Variants in HIP1 observed in about 807,000 individuals in gnomAD.
HIP1 encodes huntingtin interacting protein 1.
A neutral mutation model predicts 147.6 loss-of-function variants in HIP1; 65 were observed. That is an observed-to-expected ratio of 0.44 (90% CI 0.36 to 0.54). HIP1 has a LOEUF of 0.54. Ranked by LOEUF, HIP1 falls within the 20% of genes least tolerant of loss-of-function variation. The probability of loss-of-function intolerance (pLI) is 0.00; values close to 1 mark genes in which losing one functional copy is unlikely to be tolerated. For missense variants in HIP1, 1,061 were observed against 1,299.6 expected (o/e 0.82, Z 2.82); for synonymous variants, 479 against 504.0 (o/e 0.95, Z 0.67).
intron 1 of HIP1, among the ~76,000 whole-genome samples, chr7:75,736,945 T>TA (rs1417908045): frequency 1.3e-5 from 2 of 151,990 alleles, no homozygotes; most frequent in Admixed American, 1.3e-4. Context: ...TTTGTAGAGA[T>TA]AGAGTCTCAC....
chr7:75,655,586 A>G (rs907411944), intron 1 of HIP1, among the ~76,000 whole-genome samples: 13 of 150,834 alleles, frequency 8.6e-5, no homozygotes, highest in African/African-American at 3.2e-4. Context: ...GTCTCAAAAA[A>G]AAAAGAAAAG....
chr7:75,719,021 C>T (rs1554520855), intron 1 of HIP1, among the ~76,000 whole-genome samples: 1 of 152,002 alleles, frequency 6.6e-6, no homozygotes, highest in African/African-American at 2.4e-5. Flanking sequence ...ACCCTAGCCC[C>T]CAACACTTAG....
chr7:75,584,666 T>A (rs1157209427), intron 5 of HIP1, among the ~76,000 whole-genome samples: 1 of 151,980 alleles, frequency 6.6e-6, no homozygotes, highest in Non-Finnish European at 1.5e-5. Flanking sequence ...TGTCTTCCTA[T>A]ATACAAGGCA....
rs186382354 is a variant in HIP1, at chr7:75,557,524, A to G, written c.1581+130T>C. 5.7e-4 allele frequency: 414 copies of G among 730,528 alleles called. 2 individuals are homozygous for G. The East Asian group carries it at 8.5e-3, about 15-fold the overall frequency. The allele number at this position is 730,528 out of a possible 1,614,324, so 45.3% of individuals were successfully genotyped here. On this transcript the variant is annotated intron_variant, in intron 16 of 30. Coordinates refer to ENST00000336926, the MANE Select transcript of HIP1 (RefSeq NM_005338.7). ...TGTTTTGCTGTTCTGTGTGGCCACC[A>G]TGGTGTGCTCCCTGCTGTGTGATGC...
chr7:75,658,642 G>A (rs1799213990), intron 1 of HIP1, among the ~76,000 whole-genome samples: 1 of 151,952 alleles, frequency 6.6e-6, no homozygotes, highest in African/African-American at 2.4e-5. Flanking sequence ...GAGGCCAGGC[G>A]CCGTGGCTCA....
intron 1 of HIP1, among the ~76,000 whole-genome samples, chr7:75,725,373 G>C (rs1035463797): frequency 7.9e-5 from 12 of 151,942 alleles, no homozygotes; most frequent in Non-Finnish European, 1.6e-4. Context: ...GAAATATAAA[G>C]AACACTGCAC....
chr7:75,671,515 C>T (rs1462091399), intron 1 of HIP1, among the ~76,000 whole-genome samples: 2 of 152,124 alleles, frequency 1.3e-5, no homozygotes, highest in Non-Finnish European at 2.9e-5. Context: ...AATAATGCTG[C>T]TATGAACGTG....
chr7:75,622,095 A>C (rs1156967555), intron 1 of HIP1, among the ~76,000 whole-genome samples: 4 of 151,828 alleles, frequency 2.6e-5, no homozygotes, highest in Non-Finnish European at 5.9e-5. Context: ...AGCCTGGCCA[A>C]CATGATGAAA....
chr7:75,626,670 G>T (rs1172738212), intron 1 of HIP1: 1 of 152,072 alleles, frequency 6.6e-6, no homozygotes, highest in African/African-American at 2.4e-5. Flanking sequence ...TGGATGGCCT[G>T]GACCACTGTG....
intron 7 of HIP1, among the ~76,000 whole-genome samples, chr7:75,580,488 A>G (rs1795996327): frequency 6.6e-6 from 1 of 152,146 alleles, no homozygotes; most frequent in African/African-American, 2.4e-5. Context: ...CTGTAATCCC[A>G]GAACTTTGGG....
At chr7:75,690,680 T>C (rs185113829) in intron 1 of HIP1, among the ~76,000 whole-genome samples, 3 of 151,838 alleles carry the variant, frequency 2.0e-5, no homozygotes, top group Admixed American at 2.0e-4. Context: ...CTGGCCAACA[T>C]GGAGAAACCC....
chr7:75,724,773 T>C (rs573823741), intron 1 of HIP1, among the ~76,000 whole-genome samples: 1 of 152,010 alleles, frequency 6.6e-6, no homozygotes, highest in East Asian at 1.9e-4. Context: ...AACTTGGGCA[T>C]GTGGAATAGC....
chr7:75,558,768 C>T (rs1267746284), intron 14 of HIP1, among the ~76,000 whole-genome samples: 4 of 152,126 alleles, frequency 2.6e-5, no homozygotes, highest in African/African-American at 7.2e-5. Flanking sequence ...CCTATAATCC[C>T]AGCACTTTGG....
intron 27 of HIP1, 49 bp from the exon 28 acceptor site, chr7:75,543,023 G>A: frequency 6.4e-7 from 1 of 1,565,430 alleles, no homozygotes; most frequent in South Asian, 1.2e-5. Context: ...AGAGCAACAA[G>A]GACTGAATCA....
At chr7:75,555,944 G>A (rs1794985080) in intron 18 of HIP1, 82 bp downstream of exon 18, 1 of 1,538,180 alleles carries the variant, frequency 6.5e-7, no homozygotes. Context: ...GCAGCCCCGG[G>A]GTCCTCCCAG....
chr7:75,595,251 T>TCTTCCTTCCTTC lies in HIP1; in HGVS notation c.185-2749_185-2738dup, dbSNP rs1554501696. On this transcript the variant is annotated intron_variant, in intron 2 of 30. Coordinates refer to ENST00000336926, the MANE Select transcript of HIP1 (RefSeq NM_005338.7). ...TTCTTTCTTTCTTTCTTTCTTTCTT[T>TCTTCCTTCCTTC]CTTCCTTCCTTCCTTCCTTCCTTCC... Among the ~76,000 whole-genome samples the TCTTCCTTCCTTC allele has an allele frequency of 7.9e-4, 47 of 59,528 alleles. 1 individual carries two copies. Among genetic ancestry groups the TCTTCCTTCCTTC allele is most frequent in the South Asian group, 1.2e-3 (2 of 1,624 alleles). The allele number at this position is 59,528 out of a possible 152,430, so 39.1% of individuals were successfully genotyped here. A position where few individuals can be genotyped will look rare whatever the true frequency, so the allele number is the denominator to read the frequency against.
chr7:75,544,869 C>G, intron 26 of HIP1, 69 bp from the exon 27 acceptor site: 1 of 996,478 alleles, frequency 1.0e-6, no homozygotes, highest in Non-Finnish European at 1.6e-6. Flanking sequence ...AATCCCACCT[C>G]CAGACCACCC....
At chr7:75,655,343 C>T (rs571541871) in intron 1 of HIP1, among the ~76,000 whole-genome samples, 2 of 152,018 alleles carry the variant, frequency 1.3e-5, no homozygotes, top group South Asian at 4.2e-4. Flanking sequence ...CTTTGGGAGC[C>T]CCAGGTGGGT....
In HIP1 at chr7:75,553,503, C is replaced by T. The variant is rs117129747; in HGVS notation, c.2245G>A (p.Asp749Asn). Residue 749 changes from aspartate to asparagine, a missense_variant, in exon 22 of 31, where the codon GAC becomes AAC. Asp to Asn is a conservative substitution (Grantham distance 23). This residue lies in a region of HIP1 where 810 missense variants were observed against 946.8 expected (regional missense o/e 0.86). Transcript: ENST00000336926. ...AGGCAGTTCCTCATGGCTGTGCTGT[C>T]GGCATTCTCAAGGCTTCCCTCTTCC... ...LEEEGSLENA[D>N]STAMRNCLSK... 0.012 allele frequency: 18,574 copies of T among 1,614,134 alleles called. 137 individuals are homozygous for T. Among genetic ancestry groups the T allele is most frequent in the Non-Finnish European group, 0.013 (15,586 of 1,179,992 alleles).
Sources: allele counts gnomAD v4.1 joint callset (sites outside exome capture counted in the v4.1 genomes callset), GRCh38; gene constraint gnomAD v4.1.1; regional missense constraint gnomAD v4.1.1; transcripts MANE v1.5; gene names NCBI Gene and HGNC (gene_info 2026-07-23, HGNC 2026-07-21).